KCNH7: variants seen among roughly 807,000 people sequenced by gnomAD.
The protein encoded by KCNH7 is voltage-gated inwardly rectifying potassium channel KCNH7.
Under a neutral mutation model 120.8 loss-of-function variants are expected in KCNH7, and 49 were observed. The ratio of observed to expected loss-of-function variants is 0.41; its 90% CI spans 0.32 to 0.51. The LOEUF (loss-of-function observed/expected upper bound fraction) is 0.51, where lower values mean the gene tolerates loss of function less well. KCNH7 is among the 20% of genes least tolerant of loss of function. The probability of loss-of-function intolerance (pLI) is 0.38; values close to 1 mark genes in which losing one functional copy is unlikely to be tolerated. For missense variants in KCNH7, 1,097 were observed against 1,446.6 expected (o/e 0.76, Z 3.92); for synonymous variants, 547 against 516.1 (o/e 1.06, Z -0.81).
chr2:162,517,605 A>C, intron 4 of KCNH7, 125 bp downstream of exon 4: 1 of 816,684 alleles, frequency 1.2e-6, no homozygotes, highest in Admixed American at 3.0e-5. Flanking sequence ...TCAGGTTTTT[A>C]ATAGCCTTTA....
intron 7 of KCNH7, among the ~76,000 whole-genome samples, chr2:162,441,331 C>T (rs1182425185): frequency 6.6e-6 from 1 of 152,070 alleles, no homozygotes; most frequent in African/African-American, 2.4e-5. Context: ...ATATAGATAC[C>T]TGCTAATGTT....
At chr2:162,513,809 A>T (rs1384413394) in intron 4 of KCNH7, among the ~76,000 whole-genome samples, 1 of 151,844 alleles carries the variant, frequency 6.6e-6, no homozygotes, top group African/African-American at 2.4e-5. Flanking sequence ...AGATTGTTTT[A>T]AAAAATGTAA....
chr2:162,664,560 C>A (rs1685071513), intron 2 of KCNH7, among the ~76,000 whole-genome samples: 1 of 152,028 alleles, frequency 6.6e-6, no homozygotes, highest in Admixed American at 6.6e-5. Context: ...CTAATTGCAT[C>A]CTGTTCTTGC....
chr2:162,472,374 A>C (rs1179859652), intron 6 of KCNH7, among the ~76,000 whole-genome samples: 1 of 152,210 alleles, frequency 6.6e-6, no homozygotes, highest in Non-Finnish European at 1.5e-5. Context: ...TTTACAAAGA[A>C]CTCAAACAAA....
intron 14 of KCNH7, among the ~76,000 whole-genome samples, chr2:162,377,537 C>G (rs539170708): frequency 1.1e-4 from 17 of 152,256 alleles, no homozygotes; most frequent in Admixed American, 9.8e-4. Context: ...AGATCAATAA[C>G]AAGGGTGACG....
rs749426625 is a variant in KCNH7 at position 162,371,847 on chromosome 2, A to C, written c.3573T>G (p.Pro1191=). The C allele has an allele frequency of 6.2e-7, 1 of 1,609,208 alleles. No homozygotes were observed. The highest frequency in any genetic ancestry group is 8.5e-7 in the Non-Finnish European group (1 of 1,175,886). ...AAAATGATTATTTCCCTGGAAGACCAGGATCAGAAACATGCCTATGAAGAC... is the reference window on the plus strand; with the variant it reads ...AAAATGATTATTTCCCTGGAAGACCCGGATCAGAAACATGCCTATGAAGAC... ...IVGLHRHVSD[P]GLPGK is the part of the protein sequence containing the mutation. Residue 1191 remains proline (P), a synonymous_variant, in exon 16 of 16, where the codon CCT becomes CCG. Coordinates refer to ENST00000332142, the MANE Select transcript of KCNH7 (RefSeq NM_033272.4).
chr2:162,446,559 T>C (rs577180010), intron 6 of KCNH7, 116 bp from the exon 7 acceptor site: 2 of 745,158 alleles, frequency 2.7e-6, no homozygotes, highest in Non-Finnish European at 4.2e-6. Context: ...AGAATTCATG[T>C]AATTTGGAAG....
intron 6 of KCNH7, among the ~76,000 whole-genome samples, chr2:162,470,049 G>A (rs542053552): frequency 1.3e-5 from 2 of 152,320 alleles, no homozygotes; most frequent in African/African-American, 4.8e-5. Context: ...CGTGATCTCG[G>A]CTCGCTACAA....
chr2:162,721,623 A>G (rs1242157116), intron 2 of KCNH7, among the ~76,000 whole-genome samples: 2 of 152,152 alleles, frequency 1.3e-5, no homozygotes, highest in Non-Finnish European at 2.9e-5. Flanking sequence ...TGCCTTAGCC[A>G]TTCTTTCTTA....
intron 2 of KCNH7, among the ~76,000 whole-genome samples, chr2:162,809,422 A>G (rs1458343305): frequency 6.6e-6 from 1 of 152,178 alleles, no homozygotes; most frequent in Non-Finnish European, 1.5e-5. Context: ...ATGACATTTT[A>G]GAAATTATTG....
At chr2:162,385,476 G>T (rs550169913) in intron 12 of KCNH7, among the ~76,000 whole-genome samples, 70 of 151,994 alleles carry the variant, frequency 4.6e-4, no homozygotes, top group African/African-American at 1.6e-3. Context: ...AGGCAGTTTG[G>T]TTGTGTAGCA....
chr2:162,440,470 A>G (rs1260581921), intron 7 of KCNH7, among the ~76,000 whole-genome samples: 2 of 152,092 alleles, frequency 1.3e-5, no homozygotes, highest in Non-Finnish European at 1.5e-5. Context: ...TGGTATTTAT[A>G]TACATCATTC....
chr2:162,606,203 T>C (rs2105962116), intron 2 of KCNH7, among the ~76,000 whole-genome samples: 1 of 152,072 alleles, frequency 6.6e-6, no homozygotes, highest in Non-Finnish European at 1.5e-5. Flanking sequence ...GGCCCATGAA[T>C]TTTTTTTCCA....
chr2:162,828,571 C>T (rs918019140), intron 2 of KCNH7, among the ~76,000 whole-genome samples: 11 of 151,980 alleles, frequency 7.2e-5, no homozygotes, highest in African/African-American at 2.7e-4. Context: ...CATAAAAACA[C>T]TCCTAAAGAT....
chr2:162,659,372 C>A lies in KCNH7; in HGVS notation c.308-122292G>T, dbSNP rs566717075. Among the ~76,000 whole-genome samples, 15 of 146,022 alleles carry A rather than the reference C, an allele frequency of 1.0e-4. No homozygotes were observed. In the East Asian group the frequency reaches 2.9e-3, roughly 28 times the overall value. ...TTTTTTTTTTTTTGAGACTCAGTCT[C>A]GCTTTGTCACCCAGGCTGGAGTGCA... is the stretch of plus-strand genomic sequence containing the variant. On this transcript the variant is annotated intron_variant, in intron 2 of 15. Coordinates refer to ENST00000332142, the MANE Select transcript of KCNH7 (RefSeq NM_033272.4).
chr2:162,596,334 T>C (rs575469626), intron 2 of KCNH7, among the ~76,000 whole-genome samples: 1 of 152,172 alleles, frequency 6.6e-6, no homozygotes, highest in African/African-American at 2.4e-5. Flanking sequence ...TAAAGCAGCA[T>C]GGTATTGGCA....
At chr2:162,725,115 T>G (rs920391000) in intron 2 of KCNH7, among the ~76,000 whole-genome samples, 3 of 152,200 alleles carry the variant, frequency 2.0e-5, no homozygotes, top group Non-Finnish European at 4.4e-5. Flanking sequence ...AGAAGATTAT[T>G]TCAAATATTT....
At chr2:162,562,343 G>A (rs1215203186) in intron 2 of KCNH7, among the ~76,000 whole-genome samples, 2 of 152,106 alleles carry the variant, frequency 1.3e-5, no homozygotes, top group African/African-American at 4.8e-5. Context: ...TAAAAGTTAG[G>A]TAATTGAGAC....
Position 162,649,061 on chromosome 2 carries a change from A to G in KCNH7, c.308-111981T>C, listed in dbSNP as rs77767379. ...ATACATCAGTATTAGGTAATAACAGAAGTAATAAATACAGAGTTCATGTTT... is the reference window on the plus strand; with the variant it reads ...ATACATCAGTATTAGGTAATAACAGGAGTAATAAATACAGAGTTCATGTTT... On this transcript the variant is annotated intron_variant, in intron 2 of 15. Transcript: ENST00000332142. Among the ~76,000 whole-genome samples, 939 of 152,314 alleles carry G rather than the reference A, an allele frequency of 6.2e-3. 4 individuals are homozygous for G. Among genetic ancestry groups the G allele is most frequent in the Non-Finnish European group, 9.4e-3 (638 of 68,024 alleles).
Sources: allele counts gnomAD v4.1 joint callset (sites outside exome capture counted in the v4.1 genomes callset), GRCh38; gene constraint gnomAD v4.1.1; transcripts MANE v1.5; gene names NCBI Gene and HGNC (gene_info 2026-07-23, HGNC 2026-07-21).